SPOCK3: variants seen among roughly 807,000 people sequenced by gnomAD.
SPOCK3 encodes SPARC (osteonectin), cwcv and kazal like domains proteoglycan 3.
In SPOCK3, 30 loss-of-function variants were observed where a neutral mutation model predicts 56.6. The observed-to-expected ratio is 0.53, with a 90% CI of 0.40 to 0.72. The LOEUF is 0.72. Among genes scored for constraint, SPOCK3 ranks in the 30% least tolerant of loss-of-function variants. The pLI, the probability that SPOCK3 is intolerant of heterozygous loss-of-function variation, is 0.00. For missense variants in SPOCK3, 527 were observed against 530.0 expected (o/e 0.99, Z 0.06); for synonymous variants, 196 against 183.3 (o/e 1.07, Z -0.56).
At chr4:167,127,927 G>A (rs1171964471) in intron 2 of SPOCK3, among the ~76,000 whole-genome samples, 4 of 152,174 alleles carry the variant, frequency 2.6e-5, no homozygotes, top group African/African-American at 9.6e-5. Flanking sequence ...AACAGTCAGA[G>A]GAAGACCTTT....
intron 2 of SPOCK3, among the ~76,000 whole-genome samples, chr4:167,184,602 C>T (rs1554049725): frequency 6.6e-6 from 1 of 152,152 alleles, no homozygotes; most frequent in Non-Finnish European, 1.5e-5. Context: ...AATAGATTTG[C>T]TAACCTGAGA....
At chr4:166,790,478 ATT>A (rs940009649) in intron 7 of SPOCK3, among the ~76,000 whole-genome samples, 13 of 152,056 alleles carry the variant, frequency 8.5e-5, no homozygotes, top group African/African-American at 2.2e-4. Context: ...CCCTTTGGAA[ATT>A]TTTTTCTAGC....
At chr4:166,863,905 G>A (rs1248605077) in intron 6 of SPOCK3, among the ~76,000 whole-genome samples, 4 of 151,996 alleles carry the variant, frequency 2.6e-5, no homozygotes, top group Admixed American at 2.0e-4. Flanking sequence ...GGATATTCAG[G>A]ATTTGAACTC....
intron 6 of SPOCK3, among the ~76,000 whole-genome samples, chr4:166,829,524 T>C (rs552425821): frequency 6.6e-6 from 1 of 152,224 alleles, no homozygotes; most frequent in South Asian, 2.1e-4. Context: ...AGTTATTTGC[T>C]AAAAATACTA....
At chr4:167,164,709 G>C (rs968269370) in intron 2 of SPOCK3, among the ~76,000 whole-genome samples, 5 of 151,786 alleles carry the variant, frequency 3.3e-5, no homozygotes, top group African/African-American at 1.2e-4. Flanking sequence ...TTCTGTTCCT[G>C]TGTTAGTTTG....
intron 6 of SPOCK3, among the ~76,000 whole-genome samples, chr4:166,844,127 C>T (rs533174731): frequency 1.3e-5 from 2 of 152,300 alleles, no homozygotes; most frequent in African/African-American, 2.4e-5. Context: ...TGGGAAGTTA[C>T]TTAGAAAAGC....
chr4:166,843,281 G>A (rs1004990212), intron 6 of SPOCK3, among the ~76,000 whole-genome samples: 8 of 152,348 alleles, frequency 5.3e-5, no homozygotes, highest in African/African-American at 1.4e-4. Context: ...TGGCCAGAGC[G>A]GACGCCGAGG....
intron 2 of SPOCK3, among the ~76,000 whole-genome samples, chr4:167,091,588 T>C (rs1436052002): frequency 1.3e-5 from 2 of 152,190 alleles, no homozygotes; most frequent in African/African-American, 4.8e-5. Context: ...CATTAGGATA[T>C]AATTTATTTA....
intron 4 of SPOCK3, among the ~76,000 whole-genome samples, chr4:166,921,086 G>T (rs951884064): frequency 2.6e-5 from 4 of 152,080 alleles, no homozygotes; most frequent in Admixed American, 2.6e-4. Context: ...ACCATGTTTT[G>T]CTTGAGTCTG....
chr4:167,016,011 A>T (rs1750586371), intron 3 of SPOCK3, among the ~76,000 whole-genome samples: 1 of 152,192 alleles, frequency 6.6e-6, no homozygotes, highest in Non-Finnish European at 1.5e-5. Flanking sequence ...TTATCCAAAT[A>T]TTCAAAATGT....
At chr4:167,119,836 C>T (rs1458606975) in intron 2 of SPOCK3, 1 of 1,534,098 alleles carries the variant, frequency 6.5e-7, no homozygotes, top group Non-Finnish European at 8.7e-7. Flanking sequence ...CTTGTGTGAT[C>T]ATCACTACTG....
intron 6 of SPOCK3, among the ~76,000 whole-genome samples, chr4:166,865,240 G>A (rs1250747634): frequency 6.6e-6 from 1 of 152,094 alleles, no homozygotes; most frequent in Non-Finnish European, 1.5e-5. Context: ...ATTCTTTCAT[G>A]CTAAAAACTC....
intron 7 of SPOCK3, among the ~76,000 whole-genome samples, chr4:166,777,669 T>G (rs537345315): frequency 6.6e-6 from 1 of 152,206 alleles, no homozygotes; most frequent in Non-Finnish European, 1.5e-5. Flanking sequence ...CCCAGGAGTT[T>G]GGGCCTGCAA....
intron 4 of SPOCK3, among the ~76,000 whole-genome samples, chr4:166,963,342 T>C (rs540860979): frequency 5.9e-5 from 9 of 152,020 alleles, no homozygotes; most frequent in African/African-American, 2.4e-5. Flanking sequence ...TTTAATGTAA[T>C]GTGTTATGTG....
At chr4:166,813,404 T>C (rs938526802) in intron 6 of SPOCK3, among the ~76,000 whole-genome samples, 1 of 152,012 alleles carries the variant, frequency 6.6e-6, no homozygotes, top group African/African-American at 2.4e-5. Flanking sequence ...GTGACATCCA[T>C]GCATCACTTA....
At chr4:166,985,219 C>T (rs1039350965) in intron 4 of SPOCK3, among the ~76,000 whole-genome samples, 4 of 149,456 alleles carry the variant, frequency 2.7e-5, no homozygotes, top group African/African-American at 1.0e-4. Context: ...CTAAGAAATC[C>T]TCCACAATGA....
At chr4:166,961,153 A>T (rs1263853926) in intron 4 of SPOCK3, among the ~76,000 whole-genome samples, 1 of 152,144 alleles carries the variant, frequency 6.6e-6, no homozygotes, top group Non-Finnish European at 1.5e-5. Flanking sequence ...GCGAAGTACA[A>T]AATAATCTAA....
intron 2 of SPOCK3, among the ~76,000 whole-genome samples, chr4:167,206,001 T>C (rs1451848646): frequency 7.2e-5 from 11 of 152,136 alleles, no homozygotes; most frequent in Non-Finnish European, 1.6e-4. Flanking sequence ...GATTTTTCAA[T>C]TTAGTTAATG....
intron 3 of SPOCK3, among the ~76,000 whole-genome samples, chr4:167,056,937 A>C (rs10029828): frequency 6.6e-6 from 1 of 152,006 alleles, no homozygotes; most frequent in Non-Finnish European, 1.5e-5. Context: ...TACAGAGAAC[A>C]CCACAAAGAT....
Sources: allele counts gnomAD v4.1 joint callset (sites outside exome capture counted in the v4.1 genomes callset), GRCh38; gene constraint gnomAD v4.1.1; transcripts MANE v1.5; gene names NCBI Gene and HGNC (gene_info 2026-07-23, HGNC 2026-07-21).